ABHD6: variants seen among roughly 807,000 people sequenced by gnomAD.
The protein encoded by ABHD6 is abhydrolase domain containing 6, acylglycerol lipase, also known as monoacylglycerol lipase ABHD6.
A neutral mutation model predicts 38.8 loss-of-function variants in ABHD6; 33 were observed. The ratio of observed to expected loss-of-function variants is 0.85; its 90% confidence interval spans 0.64 to 1.14. The LOEUF (loss-of-function observed/expected upper bound fraction) is 1.14. ABHD6 is among the 50% of genes most tolerant of loss of function. The probability of loss-of-function intolerance (pLI) is 0.00; values close to 1 mark genes in which losing one functional copy is unlikely to be tolerated. For missense variants in ABHD6, 380 were observed against 422.6 expected (o/e 0.90, Z 0.88); for synonymous variants, 147 against 161.6 (o/e 0.91, Z 0.69).
In ABHD6 at chr3:58,293,717, C is replaced by G; in HGVS notation, c.966C>G (p.Asp322Glu). The change falls in exon 10 of 10, where the codon GAC (aspartate) becomes GAG (glutamate). Residue 322 changes from aspartate (D) to glutamate (E), a missense_variant. Physicochemically the swap from Asp to Glu is conservative, Grantham distance 45. Transcript: ENST00000478253. The surrounding 1 kb of genome is among the most constrained non-coding windows in gnomAD (Gnocchi z 4.4). Reference sequence around the variant, plus strand: ...GGAAGACAGCCAAGCTCATAATCGACTTTTTAGCTTCTGTGCACAACACAG... The same window carrying G: ...GGAAGACAGCCAAGCTCATAATCGAGTTTTTAGCTTCTGTGCACAACACAG... ...RPRKTAKLIIDFLASVHNTDN... is the reference protein window; with the variant it reads ...RPRKTAKLIIEFLASVHNTDN... 6.2e-7 allele frequency: 1 copy of G among 1,614,234 alleles called. No homozygotes were observed. Among genetic ancestry groups the G allele is most frequent in the Non-Finnish European group, 8.5e-7 (1 of 1,180,032 alleles).
intron 9 of ABHD6, among the ~76,000 whole-genome samples, chr3:58,289,379 A>C (rs376021656): frequency 2.8e-4 from 42 of 151,368 alleles, no homozygotes; most frequent in East Asian, 1.6e-3. Context: ...GAGGACCCTG[A>C]GGCCTTCCGC....
rs746605515 is a variant in ABHD6 at position 58,286,848 on chromosome 3, G to GCA, written c.837+1395_837+1396insCA. On this transcript the variant is annotated intron_variant, in intron 9 of 9. Transcript: ENST00000478253. ...TGTGTGTGTGTGTGTGTGTGTGTGT[G>GCA]TGTGTATATATATATATATATGTAT... Among the ~76,000 whole-genome samples the GCA allele has an allele frequency of 5.8e-3, 407 of 69,860 alleles. 32 individuals carry two copies. The highest frequency in any genetic ancestry group is 8.4e-3 in the African/African-American group (149 of 17,810). 45.8% of individuals were successfully genotyped at this position (69,860 alleles called of 152,430 possible).
chr3:58,267,197 G>T lies in ABHD6; in HGVS notation c.128G>T (p.Arg43Leu), dbSNP rs765750635. ...ALIRIYYWYW[R>L]RTLGMQVRYV... is the part of the protein sequence containing the mutation. ...TTTCTCACCCCTTCCAGGTACTGGC[G>T]GAGGACATTGGGCATGCAAGTCCGC... The change falls in exon 4 of 10, where the codon CGG becomes CTG. Residue 43 changes from arginine to leucine, a missense_variant. Transcript: ENST00000478253. This position sits in a 1 kb window ranked among gnomAD's most constrained non-coding sequence, Gnocchi z 4.3. 1 of 1,613,962 alleles carries T rather than the reference G, an allele frequency of 6.2e-7. No homozygotes were observed.
chr3:58,255,598 A>G (rs2097432708), intron 2 of ABHD6, among the ~76,000 whole-genome samples: 1 of 150,930 alleles, frequency 6.6e-6, no homozygotes, highest in Non-Finnish European at 1.5e-5. Flanking sequence ...GTGCTGGATC[A>G]CAGGCATGAG....
At chr3:58,283,812 C>T (rs3773006) in intron 7 of ABHD6, among the ~76,000 whole-genome samples, 67,580 of 152,010 alleles carry the variant, frequency 0.44, 16,667 homozygotes, top group African/African-American at 0.67. Flanking sequence ...GATGGATGGA[C>T]ACAAGATGAA....
chr3:58,256,033 A>AT lies in ABHD6; in HGVS notation c.-25-525dup. Reference sequence around the variant, plus strand: ...TCACCTGGATTCCCCAGTGGTTAGCATTTTACCATATTTGCTTTATTTCTC... The same window carrying AT: ...TCACCTGGATTCCCCAGTGGTTAGCATTTTTACCATATTTGCTTTATTTCTC... On this transcript the variant is annotated intron_variant, in intron 2 of 9. Transcript: ENST00000478253. This position sits in a 1 kb window ranked among gnomAD's most constrained non-coding sequence, Gnocchi z 4.3. 6.6e-6 allele frequency among the ~76,000 whole-genome samples: 1 copy of AT among 151,534 alleles called. No individual in the cohort carries two copies. The highest frequency in any genetic ancestry group is 6.6e-5 in the Admixed American group (1 of 15,132).
chr3:58,286,873 T>TATATATAC, intron 9 of ABHD6, among the ~76,000 whole-genome samples: 2 of 134,598 alleles, frequency 1.5e-5, no homozygotes, highest in African/African-American at 5.5e-5. Flanking sequence ...TATATATGTA[T>TATATATAC]ATGTATATAT....
rs749395394 is a variant in ABHD6, at chr3:58,251,038, G to A, written c.-26+1096G>A. Among the ~76,000 whole-genome samples, 5 of 152,088 alleles carry A rather than the reference G, an allele frequency of 3.3e-5. No homozygotes were observed. Among genetic ancestry groups the A allele is most frequent in the African/African-American group, 9.7e-5 (4 of 41,408 alleles). Reference sequence around the variant, plus strand: ...TACTGTCAGCAGAAATCAGTAAGTCGGCTAGGTGCAGAAGCTTGCGCCTGT... The same window carrying A: ...TACTGTCAGCAGAAATCAGTAAGTCAGCTAGGTGCAGAAGCTTGCGCCTGT... On this transcript the variant is annotated intron_variant, in intron 2 of 9. Coordinates refer to ENST00000478253, the MANE Select transcript of ABHD6 (RefSeq NM_001320126.2). This position sits in a 1 kb window ranked among gnomAD's most constrained non-coding sequence, Gnocchi z 5.4.
Position 58,271,766 on chromosome 3 carries a change from G to GTTTTTTTTTTTTTTTT in ABHD6, c.523+711_523+726dup, listed in dbSNP as rs3038091. ...CTCTCCTCTATCTCCCCCTCTCTCT[G>GTTTTTTTTTTTTTTTT]TTTTTTTTTTTTTTTTTTTTTTTTG... On this transcript the variant is annotated intron_variant, in intron 6 of 9. Coordinates refer to ENST00000478253, the MANE Select transcript of ABHD6 (RefSeq NM_001320126.2). 4.6e-4 allele frequency among the ~76,000 whole-genome samples: 29 copies of GTTTTTTTTTTTTTTTT among 63,632 alleles called. 4 individuals carry two copies. The highest frequency in any genetic ancestry group is 1.5e-3 in the African/African-American group (21 of 14,014). 41.7% of individuals were successfully genotyped at this position (63,632 alleles called of 152,430 possible).
At chr3:58,245,196 G>T (rs139647706) in intron 1 of ABHD6, among the ~76,000 whole-genome samples, 1 of 152,100 alleles carries the variant, frequency 6.6e-6, no homozygotes, top group South Asian at 2.1e-4. Context: ...ACGGAGTCTC[G>T]CTCTGTCACC....
chr3:58,288,189 G>A (rs1319239182), intron 9 of ABHD6, among the ~76,000 whole-genome samples: 1 of 152,190 alleles, frequency 6.6e-6, no homozygotes, highest in Non-Finnish European at 1.5e-5. Context: ...TGCCTCCCAA[G>A]CTCGCTGGCT....
chr3:58,256,818 A>G lies in ABHD6; in HGVS notation c.119+113A>G. 2.2e-6 allele frequency: 2 copies of G among 917,736 alleles called. No homozygotes were observed. Among genetic ancestry groups the G allele is most frequent in the Non-Finnish European group, 3.4e-6 (2 of 592,812 alleles). 56.8% of individuals were successfully genotyped at this position (917,736 alleles called of 1,614,324 possible). A position where few individuals can be genotyped will look rare whatever the true frequency, so the allele number is the denominator to read the frequency against. On this transcript the variant is annotated intron_variant, in intron 3 of 9. Coordinates refer to ENST00000478253, the MANE Select transcript of ABHD6 (RefSeq NM_001320126.2). This position sits in a 1 kb window ranked among gnomAD's most constrained non-coding sequence, Gnocchi z 4.3. ...TTTTATCAGGAAGTATTTCAGACAG[A>G]GAGAAAAGTTGAAAGGTACTCATCC...
In ABHD6 at chr3:58,290,233, T is replaced by C. The variant is rs1474873413; in HGVS notation, c.838-3356T>C. ...GGCAGAGGGGCTCCTCACTTCCCAGTAGGGGCGGCTGGGCAGAGGCGCCCC... is the reference window on the plus strand; with the variant it reads ...GGCAGAGGGGCTCCTCACTTCCCAGCAGGGGCGGCTGGGCAGAGGCGCCCC... On this transcript the variant is annotated intron_variant, in intron 9 of 9. Transcript: ENST00000478253. Among the ~76,000 whole-genome samples, 84 of 103,096 alleles carry C rather than the reference T, an allele frequency of 8.1e-4. 2 individuals carry two copies. The highest frequency in any genetic ancestry group is 3.0e-3 in the African/African-American group (77 of 25,596). 67.6% of individuals were successfully genotyped at this position (103,096 alleles called of 152,430 possible).
At chr3:58,241,256 G>C (rs185651850) in intron 1 of ABHD6, among the ~76,000 whole-genome samples, 178 of 152,300 alleles carry the variant, frequency 1.2e-3, no homozygotes, top group African/African-American at 3.6e-3. Flanking sequence ...GCATGTAGTT[G>C]CCTCTTCCAA....
At position 58,263,717 on chromosome 3, in the gene ABHD6, G is replaced by C. The variant is rs2097438749; in HGVS notation, c.120-3472G>C. On this transcript the variant is annotated intron_variant, in intron 3 of 9. Coordinates refer to ENST00000478253, the MANE Select transcript of ABHD6 (RefSeq NM_001320126.2). The surrounding 1 kb of genome is among the most constrained non-coding windows in gnomAD (Gnocchi z 4.9). ...TGCTGAAGTTTCACCTTTTCCACCA[G>C]GTCCTTCCAGCTCTTCCATGATCTC... Among the ~76,000 whole-genome samples, 1 of 152,094 alleles carries C rather than the reference G, an allele frequency of 6.6e-6. No homozygotes were observed. Among genetic ancestry groups the C allele is most frequent in the Non-Finnish European group, 1.5e-5 (1 of 68,024 alleles).
intron 9 of ABHD6, among the ~76,000 whole-genome samples, chr3:58,290,975 G>A (rs1426850971): frequency 1.3e-5 from 2 of 151,530 alleles, no homozygotes; most frequent in South Asian, 2.1e-4. Flanking sequence ...CCTAGATGGG[G>A]TGGCGGCCGG....
At chr3:58,290,300 C>T (rs2097461206) in intron 9 of ABHD6, among the ~76,000 whole-genome samples, 1 of 112,604 alleles carries the variant, frequency 8.9e-6, no homozygotes, top group Non-Finnish European at 1.9e-5. Flanking sequence ...GGGGGCTGAC[C>T]CCCCCCACCT....
intron 1 of ABHD6, among the ~76,000 whole-genome samples, chr3:58,244,230 T>A (rs1382153795): frequency 6.6e-6 from 1 of 152,174 alleles, no homozygotes; most frequent in Non-Finnish European, 1.5e-5. Flanking sequence ...GGATGATGTG[T>A]CAAAGCAATA....
rs1030075690 is a variant in ABHD6, at chr3:58,293,510, G to A, written c.838-79G>A. On this transcript the variant is annotated intron_variant, in intron 9 of 9. Coordinates refer to ENST00000478253, the MANE Select transcript of ABHD6 (RefSeq NM_001320126.2). The surrounding 1 kb of genome is among the most constrained non-coding windows in gnomAD (Gnocchi z 4.4). ...CCCCACTGACCCCTGCCAGGCCTTG[G>A]TGGAAGTTCTGTCCACAGAGTGCAC... 6.6e-7 allele frequency: 1 copy of A among 1,508,834 alleles called. No homozygotes were observed. Among genetic ancestry groups the A allele is most frequent in the Non-Finnish European group, 9.0e-7 (1 of 1,111,866 alleles). 93.5% of individuals were successfully genotyped at this position (1,508,834 alleles called of 1,614,324 possible).
Sources: gnomAD v4.1 joint callset for allele counts (sites outside exome capture counted in the v4.1 genomes callset) on GRCh38, gnomAD v4.1.1 for gene constraint, Gnocchi (gnomAD v3.1) non-coding constraint, MANE v1.5 for transcripts, NCBI Gene and HGNC (gene_info 2026-07-23, HGNC 2026-07-21) for gene names.